BRI3: variants seen among roughly 807,000 people sequenced by gnomAD.
BRI3 encodes the protein membrane protein BRI3.
A neutral mutation model predicts 12.8 loss-of-function variants in BRI3; 6 were observed. That is an observed-to-expected ratio of 0.47 (90% CI 0.26 to 0.93). BRI3 has a LOEUF of 0.93. Ranked by LOEUF, BRI3 falls within the 40% of genes least tolerant of loss-of-function variation. BRI3 has a pLI of 0.15. For synonymous variants in BRI3, 91 were observed against 76.1 expected (o/e 1.20, Z -1.02); for missense variants, 134 against 171.1 (o/e 0.78, Z 1.21).
chr7:98,311,777 G>A (rs531744248), downstream of BRI3, among the ~76,000 whole-genome samples: 19 of 152,048 alleles, frequency 1.2e-4, no homozygotes, highest in South Asian at 8.3e-4. Flanking sequence ...ATGGTGGTGC[G>A]CCCCAGTAAT....
chr7:98,315,366 G>A (rs187886891), downstream of BRI3: 12,129 of 1,210,336 alleles, frequency 0.01, 61 homozygotes, highest in Non-Finnish European at 0.011. Flanking sequence ...AAAGTGCTGG[G>A]ATTACAGGCG....
At chr7:98,283,907 G>C (rs971186860) in intron 2 of BRI3, among the ~76,000 whole-genome samples, 1 of 152,206 alleles carries the variant, frequency 6.6e-6, no homozygotes, top group Non-Finnish European at 1.5e-5. Context: ...GGGCTGGGGG[G>C]CGCCGAGGTG....
chr7:98,317,002 AC>A, the BRI3 span, among the ~76,000 whole-genome samples: 2 of 151,252 alleles, frequency 1.3e-5, no homozygotes, highest in Non-Finnish European at 2.9e-5. Flanking sequence ...AGCTGTGACT[AC>A]AGGTACCTGC....
downstream of BRI3, among the ~76,000 whole-genome samples, chr7:98,313,307 G>T (rs1281001216): frequency 6.6e-6 from 1 of 152,066 alleles, no homozygotes; most frequent in South Asian, 2.1e-4. Context: ...GCATAGAAAC[G>T]AGCAGATTTG....
At chr7:98,304,102 C>T, upstream of BRI3, 2 of 1,319,966 alleles carry the variant, frequency 1.5e-6, no homozygotes, top group Non-Finnish European at 2.0e-6. Context: ...CCCCTGGGGA[C>T]AGAGCAGAGC....
At chr7:98,293,329 C>G, downstream of BRI3, 1 of 546,892 alleles carries the variant, frequency 1.8e-6, no homozygotes, top group Non-Finnish European at 3.3e-6. Context: ...GACTATTACT[C>G]ATTTATCTTA....
At chr7:98,292,623 A>C, downstream of BRI3, 1 of 1,550,612 alleles carries the variant, frequency 6.4e-7, no homozygotes, top group Non-Finnish European at 8.7e-7. Flanking sequence ...AGGCTGAAAA[A>C]CCCGCCCTTC....
downstream of BRI3, chr7:98,293,447 C>T (rs1170273307): frequency 4.3e-5 from 59 of 1,383,760 alleles, no homozygotes; most frequent in Non-Finnish European, 5.9e-5. Flanking sequence ...ACCGTCAGCA[C>T]GTGGCAGACA....
At chr7:98,319,105 G>A in the BRI3 span, among the ~76,000 whole-genome samples, 2 of 152,142 alleles carry the variant, frequency 1.3e-5, no homozygotes, top group African/African-American at 2.4e-5. Flanking sequence ...CAGTCCTCAC[G>A]AGGACGACAG....
At chr7:98,312,193 CTCTGGCACTTT>C (rs1402646950), downstream of BRI3, 3 of 1,614,138 alleles carry the variant, frequency 1.9e-6, no homozygotes, top group Non-Finnish European at 1.7e-6. Flanking sequence ...TCATGATTTT[CTCTGGCACTTT>C]GATGGCATCA....
chr7:98,309,564 G>A (rs1370736269), exon 2 of BRI3: 1 of 152,232 alleles, frequency 6.6e-6, no homozygotes, highest in South Asian at 2.1e-4. Context: ...TAACTGACAG[G>A]ACTTCCTTCA....
At chr7:98,295,903 AT>A (rs1363217954), downstream of BRI3, among the ~76,000 whole-genome samples, 2 of 152,298 alleles carry the variant, frequency 1.3e-5, no homozygotes, top group South Asian at 2.1e-4. Flanking sequence ...AACGCTTAAG[AT>A]GACAGCTGGA....
At chr7:98,308,010 T>A (rs1258072690) in exon 2 of BRI3, 2 of 1,021,128 alleles carry the variant, frequency 2.0e-6, no homozygotes, top group Non-Finnish European at 3.1e-6. Flanking sequence ...CAATGCTCCT[T>A]CCACGGAAAC....
At chr7:98,292,381 G>T (rs1213851701), downstream of BRI3, 2 of 457,208 alleles carry the variant, frequency 4.4e-6, no homozygotes, top group African/African-American at 2.0e-5. Context: ...TCTAATTTTT[G>T]TATTTTTAGT....
downstream of BRI3, chr7:98,293,724 C>G: frequency 5.9e-6 from 5 of 851,644 alleles, no homozygotes; most frequent in Non-Finnish European, 7.7e-6. Context: ...TTGTACAGGT[C>G]CCAGCAGCGT....
the BRI3 span, among the ~76,000 whole-genome samples, chr7:98,321,693 T>C: frequency 6.6e-6 from 1 of 151,996 alleles, no homozygotes; most frequent in Non-Finnish European, 1.5e-5. Context: ...ACCTAAGAAA[T>C]GGAGAAACAC....
At chr7:98,308,079 A>G (rs1227112913) in exon 2 of BRI3, 1 of 713,942 alleles carries the variant, frequency 1.4e-6, no homozygotes, top group South Asian at 1.5e-5. Context: ...GACTGTTGAG[A>G]AACAGAGGCA....
chr7:98,285,203 C>A (rs535772252), intron 2 of BRI3, among the ~76,000 whole-genome samples: 1 of 152,180 alleles, frequency 6.6e-6, no homozygotes, highest in Non-Finnish European at 1.5e-5. Flanking sequence ...GGGCGGATGT[C>A]GCTCAGAGGT....
chr7:98,293,778 T>C (rs1229658063), downstream of BRI3, among the ~76,000 whole-genome samples: 1 of 152,234 alleles, frequency 6.6e-6, no homozygotes, highest in Non-Finnish European at 1.5e-5. Context: ...TCCTACACCA[T>C]ACCACCTGCT....
Sources: gnomAD v4.1 joint callset for allele counts (sites outside exome capture counted in the v4.1 genomes callset) on GRCh38, gnomAD v4.1.1 for gene constraint, MANE v1.5 for transcripts, NCBI Gene and HGNC (gene_info 2026-07-23, HGNC 2026-07-21) for gene names.